CYTH1: variants seen among roughly 807,000 people sequenced by gnomAD.
CYTH1 encodes cytohesin-1.
CYTH1 carries 18 observed loss-of-function variants against 61.8 expected under a neutral mutation model. The ratio of observed to expected loss-of-function variants is 0.29; its 90% CI spans 0.20 to 0.43. The LOEUF (loss-of-function observed/expected upper bound fraction) is 0.43, where lower values mean the gene tolerates loss of function less well. Ranked by LOEUF, CYTH1 falls within the 20% of genes least tolerant of loss-of-function variation. The pLI, the probability that CYTH1 is intolerant of heterozygous loss-of-function variation, is 1.00. For synonymous variants in CYTH1, 174 were observed against 184.3 expected, an observed-to-expected ratio of 0.94 and a Z score of 0.45; for missense variants, 336 against 510.5, an observed-to-expected ratio of 0.66 and a Z score of 3.29.
intron 1 of CYTH1, among the ~76,000 whole-genome samples, chr17:78,779,419 AAAAAG>A (rs1567890394): frequency 3.3e-5 from 5 of 151,742 alleles, no homozygotes; most frequent in Admixed American, 6.6e-5. Context: ...AAAAAAAAAA[AAAAAG>A]AAAGGGGAAG....
intron 6 of CYTH1, 90 bp downstream of exon 6, chr17:78,701,581 T>C (rs1209928073): frequency 2.5e-6 from 3 of 1,178,830 alleles, no homozygotes; most frequent in East Asian, 2.4e-5. Flanking sequence ...CCCAAAGATA[T>C]AATTTCAATA....
At chr17:78,719,800 G>C (rs1169822922) in intron 1 of CYTH1, among the ~76,000 whole-genome samples, 2 of 152,178 alleles carry the variant, frequency 1.3e-5, no homozygotes, top group African/African-American at 4.8e-5. Flanking sequence ...GGAGGCCCAG[G>C]TGACACTTTC....
rs746673102 is a variant in CYTH1, at chr17:78,708,252, C to T, written c.115G>A (p.Asp39Asn). The change falls in exon 3 of 14, where the codon GAT becomes AAT. Residue 39 changes from aspartate (D) to asparagine (N), a missense_variant. Coordinates refer to ENST00000446868, the MANE Select transcript of CYTH1 (RefSeq NM_004762.6). ...ELLADIQRLK[D>N]EIAEVANEIE... ...TCATTAGCTACTTCTGCTATCTCAT[C>T]CTTCAGCCTCTATAAAACAGACAGT... is the stretch of plus-strand genomic sequence containing the variant. The T allele has an allele frequency of 4.0e-5, 64 of 1,612,786 alleles. No individual in the cohort carries two copies. The South Asian group carries it at 6.8e-4, about 17-fold the overall frequency.
At chr17:78,689,449 T>C (rs73387896) in intron 11 of CYTH1, among the ~76,000 whole-genome samples, 8,399 of 152,184 alleles carry the variant, frequency 0.055, 438 homozygotes, top group South Asian at 0.15. Flanking sequence ...CAATTTACAA[T>C]AGGGTTCGTG....
intron 1 of CYTH1, among the ~76,000 whole-genome samples, chr17:78,780,704 T>G (rs1428102632): frequency 1.3e-5 from 2 of 151,612 alleles, no homozygotes; most frequent in African/African-American, 4.8e-5. Context: ...GACCCCATCT[T>G]TTAAAAAAGT....
intron 1 of CYTH1, among the ~76,000 whole-genome samples, chr17:78,716,335 C>T (rs1372259450): frequency 1.3e-5 from 2 of 152,120 alleles, no homozygotes; most frequent in Non-Finnish European, 2.9e-5. Flanking sequence ...TATATATGTA[C>T]TATGACAATT....
chr17:78,704,888 A>C (rs895765036), intron 3 of CYTH1, among the ~76,000 whole-genome samples: 1 of 152,184 alleles, frequency 6.6e-6, no homozygotes, highest in African/African-American at 2.4e-5. Flanking sequence ...GGTGTAAGAT[A>C]ATCTGGGCTC....
intron 12 of CYTH1, among the ~76,000 whole-genome samples, chr17:78,680,737 G>A (rs942273289): frequency 1.3e-5 from 2 of 152,204 alleles, no homozygotes; most frequent in African/African-American, 2.4e-5. Flanking sequence ...CATTGCAGGA[G>A]GGGCAACTTC....
intron 7 of CYTH1, among the ~76,000 whole-genome samples, chr17:78,699,821 G>A (rs1366487361): frequency 6.6e-6 from 1 of 152,132 alleles, no homozygotes; most frequent in East Asian, 1.9e-4. Context: ...GTCTCACTCT[G>A]TCACCCAGGC....
intron 1 of CYTH1, among the ~76,000 whole-genome samples, chr17:78,755,986 T>C (rs1175517179): frequency 2.0e-5 from 3 of 151,712 alleles, no homozygotes; most frequent in African/African-American, 7.3e-5. Context: ...CAAGAAAATA[T>C]TGTGCTTTAT....
Position 78,675,868 on chromosome 17 carries a change from C to T in CYTH1, c.*223G>A, listed in dbSNP as rs2092692606. On this transcript the variant is annotated 3_prime_UTR_variant, in exon 14 of 14. Transcript: ENST00000446868. ...AGCTCTGCCCTGTGAGAGAGGAAGGCTCTGGAGCCCATGCTGGACAGGTGG... is the reference window on the plus strand; with the variant it reads ...AGCTCTGCCCTGTGAGAGAGGAAGGTTCTGGAGCCCATGCTGGACAGGTGG... 1.2e-5 allele frequency: 18 copies of T among 1,471,132 alleles called. No homozygotes were observed. Among genetic ancestry groups the T allele is most frequent in the Non-Finnish European group, 1.6e-5 (18 of 1,110,654 alleles). The allele number at this position is 1,471,132 out of a possible 1,614,324, so 91.1% of individuals were successfully genotyped here. A position where few individuals can be genotyped will look rare whatever the true frequency, so the allele number is the denominator to read the frequency against.
At chr17:78,723,045 C>T (rs1400010090) in intron 1 of CYTH1, among the ~76,000 whole-genome samples, 1 of 152,218 alleles carries the variant, frequency 6.6e-6, no homozygotes, top group Non-Finnish European at 1.5e-5. Flanking sequence ...GTGGAAAAAC[C>T]TTCAGAGGAG....
chr17:78,761,111 G>A (rs2093426921), intron 1 of CYTH1, among the ~76,000 whole-genome samples: 1 of 152,076 alleles, frequency 6.6e-6, no homozygotes, highest in South Asian at 2.1e-4. Flanking sequence ...TGGATTACAG[G>A]TGTGAGCCAC....
chr17:78,768,895 C>A (rs538020614), intron 1 of CYTH1, among the ~76,000 whole-genome samples: 2 of 152,168 alleles, frequency 1.3e-5, no homozygotes, highest in East Asian at 3.9e-4. Context: ...TGCCTCACAC[C>A]AGCACCTTGG....
chr17:78,707,192 T>G (rs2093076525), intron 3 of CYTH1, among the ~76,000 whole-genome samples: 1 of 152,148 alleles, frequency 6.6e-6, no homozygotes, highest in South Asian at 2.1e-4. Context: ...CACTATACCC[T>G]GAAGGCACTG....
At chr17:78,768,864 T>TAAA (rs1247213400) in intron 1 of CYTH1, among the ~76,000 whole-genome samples, 1 of 151,422 alleles carries the variant, frequency 6.6e-6, no homozygotes, top group Non-Finnish European at 1.5e-5. Flanking sequence ...AAAATAAAAA[T>TAAA]AAAAAAAAGA....
At chr17:78,760,553 A>ATATATG (rs1555615415) in intron 1 of CYTH1, among the ~76,000 whole-genome samples, 2 of 27,970 alleles carry the variant, frequency 7.2e-5, no homozygotes, top group Non-Finnish European at 1.7e-4. Flanking sequence ...ATGTATATAT[A>ATATATG]TATGTATATA....
intron 10 of CYTH1, among the ~76,000 whole-genome samples, chr17:78,693,706 A>G (rs922907977): frequency 6.6e-6 from 1 of 151,928 alleles, no homozygotes; most frequent in Non-Finnish European, 1.5e-5. Context: ...GGAAGGAAAA[A>G]TTTCCCCAAG....
At chr17:78,722,670 T>C (rs1394963561) in intron 1 of CYTH1, among the ~76,000 whole-genome samples, 1 of 152,226 alleles carries the variant, frequency 6.6e-6, no homozygotes, top group East Asian at 1.9e-4. Flanking sequence ...GATCTGTTTG[T>C]TTGCTAGCCC....
Sources: gnomAD v4.1 joint callset for allele counts (sites outside exome capture counted in the v4.1 genomes callset) on GRCh38, gnomAD v4.1.1 for gene constraint, MANE v1.5 for transcripts, NCBI Gene and HGNC (gene_info 2026-07-23, HGNC 2026-07-21) for gene names.